Variants in RET observed in about 807,000 individuals in gnomAD.
The protein encoded by RET is ret proto-oncogene, also known as proto-oncogene tyrosine-protein kinase receptor Ret.
In RET, 19 loss-of-function variants were observed where a neutral mutation model predicts 118.3. The ratio of observed to expected loss-of-function variants is 0.16; its 90% confidence interval spans 0.11 to 0.24. The LOEUF (loss-of-function observed/expected upper bound fraction) is 0.24. RET is among the 10% of genes least tolerant of loss of function. RET has a pLI of 1.00. For missense variants in RET, 1,219 were observed against 1,502.1 expected, an observed-to-expected ratio of 0.81 and a Z score of 3.12; for synonymous variants, 597 against 644.1, an observed-to-expected ratio of 0.93 and a Z score of 1.11.
chr10:43,094,806 G>T (rs530934717), intron 1 of RET, among the ~76,000 whole-genome samples: 4 of 152,362 alleles, frequency 2.6e-5, no homozygotes, highest in African/African-American at 9.6e-5. Context: ...AGCCCTATTG[G>T]CAGTGTGAGA....
intron 1 of RET, among the ~76,000 whole-genome samples, chr10:43,077,919 T>TG (rs1427290915): frequency 6.6e-6 from 1 of 152,208 alleles, no homozygotes; most frequent in Non-Finnish European, 1.5e-5. Context: ...CCGTGGTTTC[T>TG]GGGGTGGCTC....
intron 1 of RET, among the ~76,000 whole-genome samples, chr10:43,078,446 C>T (rs1362458851): frequency 6.6e-6 from 1 of 152,238 alleles, no homozygotes; most frequent in African/African-American, 2.4e-5. Flanking sequence ...GTGTGACCTG[C>T]GCCTCAGCTC....
chr10:43,093,805 C>T (rs1837459906), intron 1 of RET, among the ~76,000 whole-genome samples: 1 of 152,098 alleles, frequency 6.6e-6, no homozygotes, highest in Non-Finnish European at 1.5e-5. Context: ...AGGAAAATAG[C>T]TGTCCACATG....
rs55947360 is a variant in RET, at chr10:43,119,669, G to A, written c.2531G>A (p.Arg844Gln). 2.7e-5 allele frequency: 43 copies of A among 1,613,272 alleles called. No individual in the cohort carries two copies. The highest frequency in any genetic ancestry group is 8.3e-5 in the Admixed American group (5 of 60,000). The change falls in exon 14 of 20, where the codon CGG becomes CAG. Residue 844 changes from arginine (R) to glutamine (Q), a missense_variant. By Grantham distance (43) the Arg-to-Gln change is conservative. This residue lies in a region of RET where 850 missense variants were observed against 969.6 expected (regional missense o/e 0.88). Transcript: ENST00000355710. ...AGCTCCCTGGACCACCCGGATGAGC[G>A]GGCCCTCACCATGGGCGACCTCATC... Reference protein sequence around the residue: ...NSSSLDHPDERALTMGDLISF... With the variant: ...NSSSLDHPDEQALTMGDLISF...
At chr10:43,119,981 C>T (rs1838172695) in intron 14 of RET, 100 bp from the exon 15 acceptor site, 1 of 1,553,764 alleles carries the variant, frequency 6.4e-7, no homozygotes, top group African/African-American at 1.4e-5. Flanking sequence ...CAGGCCGCTA[C>T]CCGGGCCACA....
intron 6 of RET, among the ~76,000 whole-genome samples, chr10:43,109,818 G>GCATGAGT (rs1272861784): frequency 3.3e-5 from 5 of 152,220 alleles, no homozygotes; most frequent in Non-Finnish European, 7.3e-5. Flanking sequence ...GAGGCATGAG[G>GCATGAGT]CATGAGGCGT....
At chr10:43,125,598 G>T (rs1234637984) in intron 18 of RET, among the ~76,000 whole-genome samples, 1 of 152,090 alleles carries the variant, frequency 6.6e-6, no homozygotes, top group Non-Finnish European at 1.5e-5. Flanking sequence ...TGTGTGCCTG[G>T]AAGTACAGTT....
intron 1 of RET, among the ~76,000 whole-genome samples, chr10:43,098,671 C>T (rs1837573408): frequency 1.3e-5 from 2 of 152,228 alleles, no homozygotes; most frequent in Admixed American, 1.3e-4. Flanking sequence ...ATCTGCCCAC[C>T]TAGGCCTCCG....
chr10:43,109,941 G>A (rs1039380564), intron 6 of RET, among the ~76,000 whole-genome samples: 5 of 152,214 alleles, frequency 3.3e-5, no homozygotes, highest in African/African-American at 1.2e-4. Context: ...GTTCTCGCAT[G>A]CCGCTCTCCC....
chr10:43,090,831 C>T (rs1305961994), intron 1 of RET, among the ~76,000 whole-genome samples: 1 of 149,670 alleles, frequency 6.7e-6, no homozygotes, highest in Non-Finnish European at 1.5e-5. Flanking sequence ...GAGGGCTGGC[C>T]CTAGCGGCCC....
rs751291577 is a variant in RET, at chr10:43,099,513, AAAATAAATAAAT to A, written c.74-910_74-899del. ...GCAACAAGAGCAAAACTCCATCTCA[AAAATAAATAAAT>A]AAATAAATAAATAAATAAATAAATA... is the stretch of plus-strand genomic sequence containing the variant. On this transcript the variant is annotated intron_variant, in intron 1 of 19. Transcript: ENST00000355710. Among the ~76,000 whole-genome samples the A allele has an allele frequency of 8.3e-3, 1,220 of 146,344 alleles. 15 individuals are homozygous for A. Among genetic ancestry groups the A allele is most frequent in the African/African-American group, 0.022 (881 of 39,368 alleles).
intron 19 of RET, chr10:43,127,322 CTGT>C: frequency 9.3e-7 from 1 of 1,069,972 alleles, no homozygotes; most frequent in South Asian, 4.4e-5. Context: ...ACCCCCACTG[CTGT>C]TTTCACATCC....
intron 19 of RET, chr10:43,127,218 G>A: frequency 7.4e-6 from 8 of 1,082,142 alleles, no homozygotes; most frequent in Non-Finnish European, 9.0e-6. Context: ...GCACTGGCGA[G>A]CAGCCACTGG....
At chr10:43,111,109 G>A (rs1837908770) in intron 6 of RET, 98 bp from the exon 7 acceptor site, 9 of 1,565,946 alleles carry the variant, frequency 5.7e-6, no homozygotes, top group African/African-American at 1.3e-5. Context: ...CCCAGTTGGG[G>A]GCTGTTCCAG....
intron 18 of RET, among the ~76,000 whole-genome samples, chr10:43,126,022 G>A (rs983242143): frequency 6.6e-6 from 1 of 152,302 alleles, no homozygotes; most frequent in South Asian, 2.1e-4. Context: ...TGGGGAGCCC[G>A]TGCCTGTAGC....
chr10:43,114,213 C>T lies in RET; in HGVS notation c.1880-267C>T, dbSNP rs1838010381. ...TGCCAGCTGGTGTAATGAGCACAGC[C>T]TCTGCTGTGTGACCTTGGCAGGCTG... On this transcript the variant is annotated intron_variant, in intron 10 of 19. Transcript: ENST00000355710. This position sits in a 1 kb window ranked among gnomAD's most constrained non-coding sequence, Gnocchi z 4.6. 6.6e-6 allele frequency among the ~76,000 whole-genome samples: 1 copy of T among 152,222 alleles called. No individual in the cohort carries two copies. The highest frequency in any genetic ancestry group is 1.9e-4 in the East Asian group (1 of 5,198).
intron 1 of RET, among the ~76,000 whole-genome samples, chr10:43,082,992 T>C (rs2506018): frequency 0.37 from 55,819 of 152,048 alleles, 10,465 homozygotes; most frequent in South Asian, 0.42. Flanking sequence ...GGGCTTCCTC[T>C]TGCTCTGTTC....
Position 43,129,809 on chromosome 10 carries a change from G to T in RET, c.*1540G>T. On this transcript the variant is annotated 3_prime_UTR_variant, in exon 20 of 20. Transcript: ENST00000355710. ...GCGCACACACCCAGAGGGAGAGTTT[G>T]AAAAATGCTTATTGGACACGTAACC... 10 of 377,322 alleles carry T rather than the reference G, an allele frequency of 2.7e-5. No homozygotes were observed. Among genetic ancestry groups the T allele is most frequent in the East Asian group, 1.2e-4 (3 of 24,550 alleles). The allele number at this position is 377,322 out of a possible 1,614,324, so 23.4% of individuals were successfully genotyped here.
At chr10:43,125,220 A>G (rs1370518138) in intron 18 of RET, among the ~76,000 whole-genome samples, 2 of 152,248 alleles carry the variant, frequency 1.3e-5, no homozygotes, top group Non-Finnish European at 2.9e-5. Flanking sequence ...CATTTAGGAA[A>G]AGCTCTCTAC....
Sources: gnomAD v4.1 joint callset for allele counts (sites outside exome capture counted in the v4.1 genomes callset) on GRCh38, gnomAD v4.1.1 for gene constraint, gnomAD v4.1.1 regional missense constraint, Gnocchi (gnomAD v3.1) non-coding constraint, MANE v1.5 for transcripts, NCBI Gene and HGNC (gene_info 2026-07-23, HGNC 2026-07-21) for gene names.